GDPD5: variants seen among roughly 807,000 people sequenced by gnomAD.
The protein encoded by GDPD5 is glycerophosphodiester phosphodiesterase domain containing 5, also known as glycerophosphodiester phosphodiesterase 2.
GDPD5 carries 48 observed loss-of-function variants against 75.1 expected under a neutral mutation model. The observed-to-expected ratio is 0.64, with a 90% CI of 0.51 to 0.81. The LOEUF is 0.81. GDPD5 is among the 40% of genes least tolerant of loss of function. The probability of loss-of-function intolerance (pLI) is 0.00; values close to 1 mark genes in which losing one functional copy is unlikely to be tolerated. For synonymous variants in GDPD5, 336 were observed against 339.0 expected (o/e 0.99, Z 0.10); for missense variants, 706 against 822.6 (o/e 0.86, Z 1.73).
chr11:75,519,024 T>C (rs994934548), intron 1 of GDPD5, among the ~76,000 whole-genome samples: 1 of 152,102 alleles, frequency 6.6e-6, no homozygotes, highest in African/African-American at 2.4e-5. Context: ...GGAGATTTGG[T>C]CACAAGCCTG....
At chr11:75,473,337 C>T (rs1949709604) in intron 3 of GDPD5, among the ~76,000 whole-genome samples, 1 of 152,162 alleles carries the variant, frequency 6.6e-6, no homozygotes, top group African/African-American at 2.4e-5. Context: ...AGCATGTGTT[C>T]CCATCTCCAG....
At chr11:75,441,100 G>C (rs1948784680) in intron 14 of GDPD5, 63 bp downstream of exon 14, 1 of 1,545,530 alleles carries the variant, frequency 6.5e-7, no homozygotes, top group East Asian at 2.3e-5. Context: ...TTGCCGAGTG[G>C]TCAGGGCAGG....
At chr11:75,458,315 T>C (rs1357330217) in intron 4 of GDPD5, among the ~76,000 whole-genome samples, 1 of 152,222 alleles carries the variant, frequency 6.6e-6, no homozygotes, top group Non-Finnish European at 1.5e-5. Context: ...GTCTTAGAAT[T>C]GATCGAATGT....
chr11:75,450,090 A>G, intron 6 of GDPD5, 107 bp from the exon 7 acceptor site: 1 of 865,238 alleles, frequency 1.2e-6, no homozygotes. Flanking sequence ...GGAGAGGCCG[A>G]TGGAGCAGGG....
At chr11:75,472,767 CT>C (rs1949697783) in intron 3 of GDPD5, among the ~76,000 whole-genome samples, 1 of 152,118 alleles carries the variant, frequency 6.6e-6, no homozygotes, top group Non-Finnish European at 1.5e-5. Flanking sequence ...AGGACCTCCT[CT>C]GAGTCAGGTC....
At chr11:75,443,701 C>G (rs1265820360) in intron 10 of GDPD5, among the ~76,000 whole-genome samples, 2 of 152,208 alleles carry the variant, frequency 1.3e-5, no homozygotes, top group Non-Finnish European at 2.9e-5. Context: ...ATGATGAGAA[C>G]AGTGCAAATG....
chr11:75,475,065 G>C (rs1017625626), intron 3 of GDPD5, among the ~76,000 whole-genome samples: 10 of 152,170 alleles, frequency 6.6e-5, no homozygotes, highest in African/African-American at 2.2e-4. Flanking sequence ...CAATGACTAG[G>C]GCAATGCATG....
At chr11:75,438,857 GAA>G (rs1204942763) in intron 15 of GDPD5, 1 of 172,416 alleles carries the variant, frequency 5.8e-6, no homozygotes, top group Non-Finnish European at 1.2e-5. Flanking sequence ...AGAAGAGAGA[GAA>G]AGAGATGGGA....
At chr11:75,441,500 C>A in intron 13 of GDPD5, 146 bp downstream of exon 13, 1 of 1,117,662 alleles carries the variant, frequency 8.9e-7, no homozygotes, top group Non-Finnish European at 1.3e-6. Flanking sequence ...GTCTTTGAAC[C>A]ATGTGTGCCT....
intron 9 of GDPD5, among the ~76,000 whole-genome samples, chr11:75,446,309 G>A (rs975023427): frequency 2.6e-5 from 4 of 151,976 alleles, no homozygotes; most frequent in Non-Finnish European, 5.9e-5. Flanking sequence ...AAAGAGATAT[G>A]GAAACCTGGC....
Position 75,525,229 on chromosome 11 carries a change from A to G in GDPD5, c.-164T>C, listed in dbSNP as rs7949062. The G allele has an allele frequency of 0.94, 143,105 of 152,582 alleles. 67,349 individuals are homozygous for G. Among genetic ancestry groups the G allele is most frequent in the Middle Eastern group, 0.98 (289 of 294 alleles). The allele number at this position is 152,582 out of a possible 1,614,324, so 9.5% of individuals were successfully genotyped here. ...TCTCACCTGCAGCCTTGGCTCTCGC[A>G]GGCCGCCGGGACAGAAGGGGACCCC... On this transcript the variant is annotated 5_prime_UTR_variant, in exon 1 of 17. Coordinates refer to ENST00000336898, the MANE Select transcript of GDPD5 (RefSeq NM_030792.8).
intron 6 of GDPD5, 89 bp downstream of exon 6, chr11:75,456,668 G>C (rs1362720952): frequency 8.0e-6 from 10 of 1,247,900 alleles, no homozygotes. Flanking sequence ...GTGATCCAGG[G>C]GAGGGACATG....
intron 6 of GDPD5, among the ~76,000 whole-genome samples, chr11:75,453,286 G>A (rs1354456663): frequency 3.3e-5 from 5 of 152,074 alleles, no homozygotes; most frequent in Non-Finnish European, 5.9e-5. Context: ...CCCCTCCTCA[G>A]GACCCAGGGG....
chr11:75,452,240 T>C (rs1949179567), intron 6 of GDPD5: 1 of 152,218 alleles, frequency 6.6e-6, no homozygotes, highest in African/African-American at 2.4e-5. Flanking sequence ...GTTAAGAGCC[T>C]CACTTGAATC....
chr11:75,437,062 C>T lies in GDPD5; in HGVS notation c.1557-14G>A, dbSNP rs920883934. On this transcript the variant is annotated splice_polypyrimidine_tract_variant and intron_variant, in intron 15 of 16. Coordinates refer to ENST00000336898, the MANE Select transcript of GDPD5 (RefSeq NM_030792.8). ...CCCAGGCGCCACCTGCAGAGATGGCCCCGTGGGCATCAGGTCTCTCCTCAG... is the reference window on the plus strand; with the variant it reads ...CCCAGGCGCCACCTGCAGAGATGGCTCCGTGGGCATCAGGTCTCTCCTCAG... 6 of 1,597,156 alleles carry T rather than the reference C, an allele frequency of 3.8e-6. No individual in the cohort carries two copies. The South Asian group carries it at 4.4e-5, about 12-fold the overall frequency.
At chr11:75,449,835 T>G (rs769962940) in intron 7 of GDPD5, 50 bp downstream of exon 7, 1 of 1,567,794 alleles carries the variant, frequency 6.4e-7, no homozygotes, top group Non-Finnish European at 8.8e-7. Flanking sequence ...GAAAGGGAAG[T>G]GACAGAAAGG....
chr11:75,499,117 AG>A (rs1950260573), intron 1 of GDPD5, among the ~76,000 whole-genome samples: 1 of 151,926 alleles, frequency 6.6e-6, no homozygotes, highest in African/African-American at 2.4e-5. Flanking sequence ...GGTCTGCTTC[AG>A]GTGTCTCAGG....
At chr11:75,508,196 G>C (rs1019277247) in intron 1 of GDPD5, 1 of 152,202 alleles carries the variant, frequency 6.6e-6, no homozygotes, top group African/African-American at 2.4e-5. Flanking sequence ...TTTTCGTGGA[G>C]TCACAAGGTA....
intron 1 of GDPD5, among the ~76,000 whole-genome samples, chr11:75,513,008 G>A (rs1423083605): frequency 2.0e-5 from 3 of 152,228 alleles, no homozygotes; most frequent in Non-Finnish European, 4.4e-5. Flanking sequence ...GACATACTGT[G>A]TACCAGGCAA....
Sources: allele counts gnomAD v4.1 joint callset (sites outside exome capture counted in the v4.1 genomes callset), GRCh38; gene constraint gnomAD v4.1.1; transcripts MANE v1.5; gene names NCBI Gene and HGNC (gene_info 2026-07-23, HGNC 2026-07-21).